The following ATP11A variants were observed in gnomAD, a reference collection of about 807,000 sequenced individuals.
The protein encoded by ATP11A is ATPase phospholipid transporting 11A.
A neutral mutation model predicts 154.4 loss-of-function variants in ATP11A; 81 were observed. The ratio of observed to expected loss-of-function variants is 0.52; its 90% CI spans 0.44 to 0.63. ATP11A has a LOEUF of 0.63. Ranked by LOEUF, ATP11A falls within the 30% of genes least tolerant of loss-of-function variation. The pLI is 0.00. For synonymous variants in ATP11A, 623 were observed against 585.9 expected (o/e 1.06, Z -0.91); for missense variants, 1,316 against 1,474.3 (o/e 0.89, Z 1.76).
Position 112,851,047 on chromosome 13 carries a change from G to T in ATP11A, c.1820G>T (p.Arg607Leu). Reference sequence around the variant, plus strand: ...CATTGTGTTCTGCAGGAGGGGCTCCGAACTTTGTGTGTTGCTTATAAAAGG... The same window carrying T: ...CATTGTGTTCTGCAGGAGGGGCTCCTAACTTTGTGTGTTGCTTATAAAAGG... Reference protein sequence around the residue: ...RVERNAVEGLRTLCVAYKRLI... With the variant: ...RVERNAVEGLLTLCVAYKRLI... Residue 607 changes from arginine to leucine, a missense_variant, in exon 18 of 30, where the codon CGA (arginine) becomes CTA (leucine). Transcript: ENST00000375645. 1 of 1,613,872 alleles carries T rather than the reference G, an allele frequency of 6.2e-7. No homozygotes were observed. Among genetic ancestry groups the T allele is most frequent in the South Asian group, 1.1e-5 (1 of 91,064 alleles).
rs1197428612 is a variant in ATP11A, at chr13:112,822,463, T to TC, written c.726-875dup. 7.2e-5 allele frequency among the ~76,000 whole-genome samples: 11 copies of TC among 151,992 alleles called. No homozygotes were observed. In the East Asian group the frequency reaches 7.7e-4, roughly 11 times the overall value. On this transcript the variant is annotated intron_variant, in intron 8 of 29. Coordinates refer to ENST00000375645, the MANE Select transcript of ATP11A (RefSeq NM_015205.3). Reference sequence around the variant, plus strand: ...GCATGGATTGTCCCAGATTTACATGTCCCCCCCATTCAGAGGAGCTTTGCA... The same window carrying TC: ...GCATGGATTGTCCCAGATTTACATGTCCCCCCCCATTCAGAGGAGCTTTGCA...
At chr13:112,803,918 C>CT (rs1319872603) in intron 2 of ATP11A, among the ~76,000 whole-genome samples, 8 of 92,296 alleles carry the variant, frequency 8.7e-5, no homozygotes, top group South Asian at 4.8e-4. Context: ...ACCTCCCTCC[C>CT]CCCATCCCCT....
intron 1 of ATP11A, among the ~76,000 whole-genome samples, chr13:112,779,157 G>T: frequency 8.9e-6 from 1 of 111,916 alleles, no homozygotes; most frequent in East Asian, 3.0e-4. Context: ...CTGGAGTGAG[G>T]AGTAGCCACT....
intron 4 of ATP11A, among the ~76,000 whole-genome samples, chr13:112,808,571 C>G (rs907076920): frequency 3.3e-5 from 5 of 152,050 alleles, no homozygotes; most frequent in Admixed American, 2.6e-4. Flanking sequence ...ATGGCCTCCC[C>G]ACACTGTGGC....
intron 2 of ATP11A, among the ~76,000 whole-genome samples, chr13:112,789,667 A>G (rs973201126): frequency 1.3e-5 from 2 of 150,312 alleles, no homozygotes; most frequent in Admixed American, 6.6e-5. Context: ...GACCTACTTA[A>G]TTCACACCGG....
intron 1 of ATP11A, among the ~76,000 whole-genome samples, chr13:112,778,089 G>A (rs997712899): frequency 3.3e-5 from 5 of 152,182 alleles, no homozygotes; most frequent in Admixed American, 2.0e-4. Context: ...CGTGTGAATC[G>A]TGGAAATGAG....
At chr13:112,840,299 C>G (rs868235973) in intron 16 of ATP11A, among the ~76,000 whole-genome samples, 4 of 105,616 alleles carry the variant, frequency 3.8e-5, no homozygotes, top group South Asian at 3.9e-4. Context: ...CTCCCGTGCC[C>G]TCCAGCCTCA....
chr13:112,882,868 G>A lies in ATP11A; in HGVS notation c.*1002G>A, dbSNP rs1276153964. ...CCCGTGGAGGGGTCAACACCAAGGT[G>A]GTGTTCGTGCACCAGAACCTGTCTC... On this transcript the variant is annotated 3_prime_UTR_variant, in exon 30 of 30. Coordinates refer to ENST00000375645, the MANE Select transcript of ATP11A (RefSeq NM_015205.3). The surrounding 1 kb of genome is among the most constrained non-coding windows in gnomAD (Gnocchi z 5.1). 1 of 398,758 alleles carries A rather than the reference G, an allele frequency of 2.5e-6. No homozygotes were observed. The highest frequency in any genetic ancestry group is 2.1e-5 in the African/African-American group (1 of 48,598). The allele number at this position is 398,758 out of a possible 1,614,324, so 24.7% of individuals were successfully genotyped here. A position where few individuals can be genotyped will look rare whatever the true frequency, so the allele number is the denominator to read the frequency against.
At position 112,883,082 on chromosome 13, in the gene ATP11A, T is replaced by G. The variant is rs1195694080; in HGVS notation, c.*1216T>G. Reference sequence around the variant, plus strand: ...CTTGCCCCGTCACCTCGTCCTCATGTCCCCTTGTCCTGTCACCTCGTCCCC... The same window carrying G: ...CTTGCCCCGTCACCTCGTCCTCATGGCCCCTTGTCCTGTCACCTCGTCCCC... On this transcript the variant is annotated 3_prime_UTR_variant, in exon 30 of 30. Coordinates refer to ENST00000375645, the MANE Select transcript of ATP11A (RefSeq NM_015205.3). The G allele has an allele frequency of 2.8e-6, 1 of 361,272 alleles. No individual in the cohort carries two copies. The highest frequency in any genetic ancestry group is 2.4e-5 in the African/African-American group (1 of 41,916). The allele number at this position is 361,272 out of a possible 1,614,324, so 22.4% of individuals were successfully genotyped here. A position where few individuals can be genotyped will look rare whatever the true frequency, so the allele number is the denominator to read the frequency against.
chr13:112,873,557 T>A lies in ATP11A; in HGVS notation c.3058-16T>A, dbSNP rs2080614400. 6.3e-7 allele frequency: 1 copy of A among 1,579,852 alleles called. No homozygotes were observed. On this transcript the variant is annotated splice_polypyrimidine_tract_variant and intron_variant, in intron 26 of 29. Coordinates refer to ENST00000375645, the MANE Select transcript of ATP11A (RefSeq NM_015205.3). ...TCAGATGACACCGTTAACTGCCCTTTTTTTTTTCCTTTTAGCTTGCATTGG... is the reference window on the plus strand; with the variant it reads ...TCAGATGACACCGTTAACTGCCCTTATTTTTTTCCTTTTAGCTTGCATTGG...
In ATP11A at chr13:112,887,097, CAGG is replaced by C. The variant is rs1367644829; in HGVS notation, c.*5234_*5236del. 2.6e-5 allele frequency: 4 copies of C among 152,348 alleles called. No individual in the cohort carries two copies. The East Asian group carries it at 7.7e-4, about 29-fold the overall frequency. The allele number at this position is 152,348 out of a possible 1,614,324, so 9.4% of individuals were successfully genotyped here. On this transcript the variant is annotated 3_prime_UTR_variant, in exon 30 of 30. Transcript: ENST00000375645. The stretch of plus-strand genomic sequence containing the variant: ...TGGACTTTTCTCTAGATTATCTAAG[CAGG>C]AGACCTGAATCTGCTTGCAATAAAG...
chr13:112,744,827 T>G (rs1196496032), intron 1 of ATP11A, among the ~76,000 whole-genome samples: 5 of 152,198 alleles, frequency 3.3e-5, no homozygotes, highest in Admixed American at 3.3e-4. Flanking sequence ...CTTCCCTACT[T>G]CATGTAAGAT....
chr13:112,770,450 G>A (rs1009629729), intron 1 of ATP11A, among the ~76,000 whole-genome samples: 3 of 152,232 alleles, frequency 2.0e-5, no homozygotes, highest in South Asian at 2.1e-4. Flanking sequence ...TACCATGAGT[G>A]TGACGAGAGT....
At chr13:112,828,120 AGCGCCC>A (rs2078982943) in intron 12 of ATP11A, among the ~76,000 whole-genome samples, 68 of 143,072 alleles carry the variant, frequency 4.8e-4, no homozygotes, top group East Asian at 8.7e-4. Flanking sequence ...AGTGGGGGGA[AGCGCCC>A]AGCAGCGTTG....
intron 2 of ATP11A, among the ~76,000 whole-genome samples, chr13:112,791,799 T>C (rs2077866370): frequency 1.3e-5 from 2 of 152,204 alleles, no homozygotes; most frequent in African/African-American, 4.8e-5. Flanking sequence ...GTCTCTTCAG[T>C]TTCTGATCCG....
intron 16 of ATP11A, among the ~76,000 whole-genome samples, chr13:112,837,619 C>T (rs998684037): frequency 1.3e-5 from 2 of 152,204 alleles, no homozygotes; most frequent in Non-Finnish European, 2.9e-5. Context: ...CCAGACACTC[C>T]CAGGCTGCAT....
At chr13:112,724,399 G>T (rs1889582789) in intron 1 of ATP11A, among the ~76,000 whole-genome samples, 1 of 152,006 alleles carries the variant, frequency 6.6e-6, no homozygotes, top group African/African-American at 2.4e-5. Context: ...CGGAACTCAG[G>T]AGGTCACTGT....
chr13:112,748,479 T>G (rs2076611420), intron 1 of ATP11A, among the ~76,000 whole-genome samples: 1 of 152,096 alleles, frequency 6.6e-6, no homozygotes, highest in Non-Finnish European at 1.5e-5. Context: ...AATCCTCCCA[T>G]CTCAGCCTCC....
chr13:112,850,529 A>T (rs943421189), intron 17 of ATP11A, among the ~76,000 whole-genome samples: 1 of 152,214 alleles, frequency 6.6e-6, no homozygotes, highest in Non-Finnish European at 1.5e-5. Context: ...TTCCTGTGCA[A>T]CCAATGATTT....
Sources: gnomAD v4.1 joint callset for allele counts (sites outside exome capture counted in the v4.1 genomes callset) on GRCh38, gnomAD v4.1.1 for gene constraint, Gnocchi (gnomAD v3.1) non-coding constraint, MANE v1.5 for transcripts, NCBI Gene and HGNC (gene_info 2026-07-23, HGNC 2026-07-21) for gene names.